LINGO1: variants seen among roughly 807,000 people sequenced by gnomAD.
LINGO1 encodes the protein leucine rich repeat and Ig domain containing 1, also known as leucine-rich repeat and immunoglobulin-like domain-containing nogo receptor-interacting protein 1.
LINGO1 carries 11 observed loss-of-function variants against 37.3 expected under a neutral mutation model. The observed-to-expected ratio is 0.29, with a 90% CI of 0.19 to 0.49. The LOEUF (loss-of-function observed/expected upper bound fraction) is 0.49. LINGO1 is among the 20% of genes least tolerant of loss of function. The pLI, the probability that LINGO1 is intolerant of heterozygous loss-of-function variation, is 0.99. For missense variants in LINGO1, 585 were observed against 878.2 expected (o/e 0.67, Z 4.22); for synonymous variants, 387 against 403.0 (o/e 0.96, Z 0.48).
rs2076065452 is a variant in LINGO1 at position 77,722,959 on chromosome 15, C to T, written c.-195+12033G>A. Among the ~76,000 whole-genome samples, 3 of 152,156 alleles carry T rather than the reference C, an allele frequency of 2.0e-5. No individual in the cohort carries two copies. In the South Asian group the frequency reaches 6.2e-4, roughly 32 times the overall value. On this transcript the variant is annotated intron_variant, in intron 2 of 3. Coordinates refer to the LINGO1 transcript ENST00000561686. ...CTCCGGGGCTGGGCCTTCACAGCGC[C>T]CCTGGAGGCTCCTGCAGTTCACAGA... is the stretch of plus-strand genomic sequence containing the variant.
chr15:77,660,625 C>T (rs1303978483), intron 3 of LINGO1, among the ~76,000 whole-genome samples: 1 of 152,214 alleles, frequency 6.6e-6, no homozygotes, highest in Non-Finnish European at 1.5e-5. Flanking sequence ...AACATTTCTC[C>T]TTAAACTCCC....
intron 2 of LINGO1, among the ~76,000 whole-genome samples, chr15:77,727,265 A>G (rs1183779349): frequency 6.6e-6 from 1 of 152,206 alleles, no homozygotes; most frequent in Non-Finnish European, 1.5e-5. Flanking sequence ...TGAAAACAGG[A>G]TCTCAAAAGA....
chr15:77,664,308 C>T (rs1350287532), intron 3 of LINGO1, among the ~76,000 whole-genome samples: 1 of 152,110 alleles, frequency 6.6e-6, no homozygotes, highest in Admixed American at 6.5e-5. Flanking sequence ...CTGAAATACG[C>T]TCTTGACAAC....
At chr15:77,758,245 C>A (rs1446891718) in intron 1 of LINGO1, among the ~76,000 whole-genome samples, 3 of 152,164 alleles carry the variant, frequency 2.0e-5, no homozygotes, top group Non-Finnish European at 4.4e-5. Flanking sequence ...GCATCTGGGC[C>A]TGTCTCTGAA....
intron 1 of LINGO1, among the ~76,000 whole-genome samples, chr15:77,749,680 C>T (rs763780777): frequency 3.2e-4 from 48 of 152,240 alleles, no homozygotes; most frequent in Non-Finnish European, 3.1e-4. Flanking sequence ...AAGCTGCTCC[C>T]GCCACCAGAC....
At chr15:77,750,366 C>T (rs55655049) in intron 1 of LINGO1, among the ~76,000 whole-genome samples, 25,050 of 152,264 alleles carry the variant, frequency 0.16, 2,478 homozygotes, top group Middle Eastern at 0.24. Context: ...ATTAAAAGTG[C>T]CTTATAATTA....
chr15:77,717,540 G>T (rs2075999221), intron 2 of LINGO1, among the ~76,000 whole-genome samples: 1 of 150,922 alleles, frequency 6.6e-6, no homozygotes, highest in Non-Finnish European at 1.5e-5. Context: ...GAACTGTCCT[G>T]CCTGTGAAAG....
Position 77,723,789 on chromosome 15 carries a change from C to T in LINGO1, c.-195+11203G>A, listed in dbSNP as rs564217238. Among the ~76,000 whole-genome samples, 7 of 152,276 alleles carry T rather than the reference C, an allele frequency of 4.6e-5. No homozygotes were observed. In the South Asian group the frequency reaches 1.5e-3, roughly 32 times the overall value. On this transcript the variant is annotated intron_variant, in intron 2 of 3. Coordinates refer to the LINGO1 transcript ENST00000561686. ...GACATGGGGATGGAACGACCCCAGC[C>T]CCAGCTGGGGGGCATCAGGGGAAAG...
At chr15:77,803,314 G>A (rs982107643) in intron 1 of LINGO1, among the ~76,000 whole-genome samples, 2 of 152,102 alleles carry the variant, frequency 1.3e-5, no homozygotes, top group African/African-American at 4.8e-5. Context: ...CAGGAGTGGT[G>A]GCACACACCT....
At chr15:77,730,942 C>T (rs1024721680) in intron 2 of LINGO1, among the ~76,000 whole-genome samples, 11 of 152,208 alleles carry the variant, frequency 7.2e-5, no homozygotes, top group Non-Finnish European at 1.2e-4. Context: ...GCTGGGTCCC[C>T]CAGGACCTCT....
At chr15:77,654,366 T>A (rs1272102144) in intron 3 of LINGO1, among the ~76,000 whole-genome samples, 2 of 152,192 alleles carry the variant, frequency 1.3e-5, no homozygotes, top group Non-Finnish European at 2.9e-5. Flanking sequence ...AGAAATTTGC[T>A]GGGGGGAACC....
At chr15:77,774,874 G>A (rs1476522234) in intron 1 of LINGO1, among the ~76,000 whole-genome samples, 1 of 152,180 alleles carries the variant, frequency 6.6e-6, no homozygotes, top group East Asian at 1.9e-4. Flanking sequence ...CAGCCTCAGT[G>A]CCCAGTGTTC....
chr15:77,790,734 G>A (rs756243553), upstream of LINGO1, among the ~76,000 whole-genome samples: 1 of 152,140 alleles, frequency 6.6e-6, no homozygotes, highest in Non-Finnish European at 1.5e-5. Flanking sequence ...GCTTCCAGAT[G>A]CTAAACATAG....
At chr15:77,716,168 G>A (rs889572559) in intron 2 of LINGO1, among the ~76,000 whole-genome samples, 1 of 151,052 alleles carries the variant, frequency 6.6e-6, no homozygotes, top group African/African-American at 2.4e-5. Context: ...AGCAATAAAT[G>A]GCAAAGCCAG....
chr15:77,617,447 C>T (rs946346369), intron 1 of LINGO1, among the ~76,000 whole-genome samples: 3 of 152,208 alleles, frequency 2.0e-5, no homozygotes, highest in African/African-American at 7.2e-5. Context: ...ATCCCTGCTC[C>T]TCTACTGCAG....
intron 2 of LINGO1, among the ~76,000 whole-genome samples, chr15:77,721,310 G>C (rs929594825): frequency 6.6e-6 from 1 of 151,994 alleles, no homozygotes; most frequent in Non-Finnish European, 1.5e-5. Flanking sequence ...CAGGGCCTTG[G>C]TATGTGCTCT....
At chr15:77,680,645 C>T (rs1350006094) in intron 2 of LINGO1, among the ~76,000 whole-genome samples, 1 of 152,094 alleles carries the variant, frequency 6.6e-6, no homozygotes, top group African/African-American at 2.4e-5. Context: ...AGTGGCATCT[C>T]CATGAGAGTT....
At chr15:77,701,392 C>A (rs537316657), upstream of LINGO1, among the ~76,000 whole-genome samples, 2 of 152,268 alleles carry the variant, frequency 1.3e-5, no homozygotes, top group East Asian at 3.9e-4. Context: ...TGGCTTCCAG[C>A]AGCTCTATAC....
intron 1 of LINGO1, among the ~76,000 whole-genome samples, chr15:77,695,585 G>A (rs1050405021): frequency 3.9e-5 from 6 of 152,208 alleles, no homozygotes; most frequent in East Asian, 1.9e-4. Flanking sequence ...TCCCCCACTC[G>A]TTGAAGGCCC....
Sources: allele counts gnomAD v4.1 joint callset (sites outside exome capture counted in the v4.1 genomes callset), GRCh38; gene constraint gnomAD v4.1.1; transcripts MANE v1.5; gene names NCBI Gene and HGNC (gene_info 2026-07-23, HGNC 2026-07-21).